CCAT2: variants seen among roughly 807,000 people sequenced by gnomAD.
CCAT2 encodes the protein colon cancer associated transcript 2 (non-protein coding).
At chr8:127,401,443 G>T (rs1814937589) in exon 1 of CCAT2, 1 of 152,198 alleles carries the variant, frequency 6.6e-6, no homozygotes, top group Non-Finnish European at 1.5e-5. Flanking sequence ...CCAACAAGAA[G>T]GCATTCTGTG....
chr8:127,400,450 C>G (rs1402511393), exon 1 of CCAT2: 1 of 152,170 alleles, frequency 6.6e-6, no homozygotes, highest in African/African-American at 2.4e-5. Flanking sequence ...GACCTGATTG[C>G]TGAAAAATGA....
At chr8:127,400,661 C>G (rs552724421) in exon 1 of CCAT2, 1 of 152,348 alleles carries the variant, frequency 6.6e-6, no homozygotes, top group African/African-American at 2.4e-5. Context: ...ATTCTAGACT[C>G]TACTCTGTAA....
At chr8:127,401,060 G>T (rs6983267) in exon 1 of CCAT2, 58,043 of 152,144 alleles carry the variant, frequency 0.38, 13,516 homozygotes, top group East Asian at 0.6. Flanking sequence ...CAGATGAAAG[G>T]CACTGAGAAA....
chr8:127,400,882 T>C (rs1217846210), exon 1 of CCAT2: 1 of 152,226 alleles, frequency 6.6e-6, no homozygotes, highest in African/African-American at 2.4e-5. Context: ...TTAGAAAACC[T>C]GATTTCCCTT....
exon 1 of CCAT2, chr8:127,400,701 A>G: frequency 6.6e-6 from 1 of 152,206 alleles, no homozygotes; most frequent in African/African-American, 2.4e-5. Flanking sequence ...TGGAAAAATC[A>G]CCATCAACTT....
chr8:127,401,597 C>T (rs1252724227), exon 1 of CCAT2: 5 of 152,174 alleles, frequency 3.3e-5, no homozygotes, highest in South Asian at 2.1e-4. Flanking sequence ...ATCTATTTTC[C>T]CATGGATATT....
exon 1 of CCAT2, chr8:127,401,929 A>G (rs1814942844): frequency 6.6e-6 from 1 of 152,198 alleles, no homozygotes; most frequent in Non-Finnish European, 1.5e-5. Flanking sequence ...CTACGTGAAG[A>G]GCCTTAATTA....
chr8:127,401,307 G>A (rs1291023052), exon 1 of CCAT2: 1 of 152,194 alleles, frequency 6.6e-6, no homozygotes, highest in Non-Finnish European at 1.5e-5. Flanking sequence ...TTAACAATGT[G>A]TTCTTTGTCC....
At chr8:127,401,696 T>C (rs1172258115) in exon 1 of CCAT2, 1 of 152,204 alleles carries the variant, frequency 6.6e-6, no homozygotes. Context: ...TAATATGGTA[T>C]GAATAGGAGA....
chr8:127,401,764 A>G (rs968686773), exon 1 of CCAT2: 1 of 152,208 alleles, frequency 6.6e-6, no homozygotes, highest in Non-Finnish European at 1.5e-5. Context: ...ACCAACATTT[A>G]TGTGGTCCCT....
At chr8:127,401,017 A>G (rs1814932300) in exon 1 of CCAT2, 3 of 152,258 alleles carry the variant, frequency 2.0e-5, no homozygotes, top group Admixed American at 2.0e-4. Flanking sequence ...AGGTGTAGCC[A>G]GAGTTAATAC....
exon 1 of CCAT2, chr8:127,401,323 C>T (rs1461564401): frequency 1.3e-5 from 2 of 152,218 alleles, no homozygotes; most frequent in Non-Finnish European, 2.9e-5. Context: ...TGTCCCACAA[C>T]TGTTCTCGTT....
exon 1 of CCAT2, chr8:127,401,504 G>A (rs1304593860): frequency 6.6e-6 from 1 of 152,206 alleles, no homozygotes; most frequent in Non-Finnish European, 1.5e-5. Context: ...CAAGGAATGA[G>A]CCCACTTTCC....
At chr8:127,401,838 A>G (rs1283453893) in exon 1 of CCAT2, 1 of 152,250 alleles carries the variant, frequency 6.6e-6, no homozygotes, top group Non-Finnish European at 1.5e-5. Context: ...GGGAGATGCC[A>G]AAAAGCCAAT....
chr8:127,400,865 C>T (rs1814930186), exon 1 of CCAT2: 1 of 152,262 alleles, frequency 6.6e-6, no homozygotes, highest in South Asian at 2.1e-4. Context: ...GGGCACTAGA[C>T]TGGGAATTAG....
exon 1 of CCAT2, chr8:127,401,124 G>A (rs1035735341): frequency 6.6e-6 from 1 of 152,166 alleles, no homozygotes; most frequent in East Asian, 1.9e-4. Context: ...TGTGGGGGAG[G>A]GAGCCGGCCC....
At chr8:127,400,721 C>G (rs993883104) in exon 1 of CCAT2, 1 of 152,218 alleles carries the variant, frequency 6.6e-6, no homozygotes, top group African/African-American at 2.4e-5. Flanking sequence ...TTCCCAGCCT[C>G]GTTCTCTGCA....
exon 1 of CCAT2, chr8:127,401,120 G>T (rs1424032835): frequency 6.6e-6 from 1 of 152,194 alleles, no homozygotes; most frequent in Non-Finnish European, 1.5e-5. Context: ...TTTATGTGGG[G>T]GAGGGAGCCG....
At chr8:127,402,119 A>G (rs535275901) in exon 1 of CCAT2, 1 of 152,342 alleles carries the variant, frequency 6.6e-6, no homozygotes, top group Admixed American at 6.5e-5. Flanking sequence ...TACTCTGGGA[A>G]GAGAGCCGTG....
Sources: allele counts gnomAD v4.1 joint callset, GRCh38; gene constraint gnomAD v4.1.1; transcripts MANE v1.5; gene names NCBI Gene and HGNC (gene_info 2026-07-23, HGNC 2026-07-21).